The following SMAD5 variants were observed in gnomAD, a reference collection of about 807,000 sequenced individuals.
The protein encoded by SMAD5 is SMAD family member 5.
In SMAD5, 9 loss-of-function variants were observed where a neutral mutation model predicts 43.1. The observed-to-expected ratio is 0.21, with a 90% confidence interval of 0.13 to 0.36. The LOEUF is 0.36. Among genes scored for constraint, SMAD5 ranks in the 10% least tolerant of loss-of-function variants. The pLI, the probability that SMAD5 is intolerant of heterozygous loss-of-function variation, is 1.00. For synonymous variants in SMAD5, 190 were observed against 192.4 expected (o/e 0.99, Z 0.10); for missense variants, 348 against 574.0 (o/e 0.61, Z 4.02).
intron 5 of SMAD5, 46 bp from the exon 6 acceptor site, chr5:136,172,388 G>T: frequency 8.8e-7 from 1 of 1,140,930 alleles, no homozygotes; most frequent in Non-Finnish European, 1.3e-6. Context: ...GACAATCTGA[G>T]TTTCTGATAT....
chr5:136,172,727 G>T (rs767061572), intron 6 of SMAD5, 72 bp downstream of exon 6: 4 of 1,033,378 alleles, frequency 3.9e-6, no homozygotes, highest in Non-Finnish European at 6.1e-6. Context: ...CATGCATTGT[G>T]AAAGGTGCTA....
At chr5:136,135,597 C>T (rs141982519) in intron 1 of SMAD5, among the ~76,000 whole-genome samples, 28 of 152,234 alleles carry the variant, frequency 1.8e-4, no homozygotes, top group African/African-American at 6.0e-4. Flanking sequence ...CTAAAAAAAT[C>T]TATTTCATAT....
chr5:136,135,475 C>T (rs898366991), intron 1 of SMAD5, among the ~76,000 whole-genome samples: 2 of 152,152 alleles, frequency 1.3e-5, no homozygotes, highest in Non-Finnish European at 2.9e-5. Flanking sequence ...TCTCCCTCTA[C>T]TGAAAACAGA....
intron 1 of SMAD5, among the ~76,000 whole-genome samples, chr5:136,144,150 T>A (rs1442126597): frequency 6.6e-6 from 1 of 152,090 alleles, no homozygotes; most frequent in Non-Finnish European, 1.5e-5. Context: ...CTAACACGAA[T>A]TGTCCCGTGG....
chr5:136,181,748 A>G lies in SMAD5; in HGVS notation c.*4268A>G, dbSNP rs1234350340. The G allele has an allele frequency of 6.6e-6, 1 of 152,232 alleles. No homozygotes were observed. The highest frequency in any genetic ancestry group is 1.5e-5 in the Non-Finnish European group (1 of 68,022). 9.4% of individuals were successfully genotyped at this position (152,232 alleles called of 1,614,324 possible). On this transcript the variant is annotated 3_prime_UTR_variant, in exon 8 of 8. Coordinates refer to ENST00000545279, the MANE Select transcript of SMAD5 (RefSeq NM_005903.7). The stretch of plus-strand genomic sequence containing the variant: ...TATGTCCTGATTACAGAGTGACAAT[A>G]TTTATCAAGCCTTTGTTATATTGGA...
chr5:136,141,306 T>C (rs544419803), intron 1 of SMAD5, among the ~76,000 whole-genome samples: 2 of 152,302 alleles, frequency 1.3e-5, no homozygotes, highest in East Asian at 3.9e-4. Context: ...TTTCATTGTT[T>C]TGAGGAGCAA....
At chr5:136,177,276 T>C in intron 7 of SMAD5, 61 bp from the exon 8 acceptor site, 1 of 1,430,854 alleles carries the variant, frequency 7.0e-7, no homozygotes, top group South Asian at 1.2e-5. Context: ...ATGGTAAAAT[T>C]GGTTTAGAGT....
chr5:136,149,249 T>A (rs1753366952), intron 2 of SMAD5, among the ~76,000 whole-genome samples: 1 of 151,942 alleles, frequency 6.6e-6, no homozygotes, highest in Non-Finnish European at 1.5e-5. Flanking sequence ...ATATTTGGGT[T>A]CCAGTTTGGG....
intron 3 of SMAD5, among the ~76,000 whole-genome samples, chr5:136,154,643 C>A (rs1753572878): frequency 6.6e-6 from 1 of 152,108 alleles, no homozygotes; most frequent in South Asian, 2.1e-4. Context: ...ATTCACATAA[C>A]CCAACCCCAA....
chr5:136,175,094 T>C (rs1754368329), intron 7 of SMAD5, among the ~76,000 whole-genome samples: 1 of 152,102 alleles, frequency 6.6e-6, no homozygotes, highest in South Asian at 2.1e-4. Flanking sequence ...CAAGAGAGAA[T>C]GAGAGCCAAA....
intron 3 of SMAD5, among the ~76,000 whole-genome samples, chr5:136,154,709 A>G (rs1373274347): frequency 6.6e-6 from 1 of 151,732 alleles, no homozygotes; most frequent in East Asian, 1.9e-4. Flanking sequence ...TATTATCTTT[A>G]TGTTTCATTT....
intron 1 of SMAD5, among the ~76,000 whole-genome samples, chr5:136,135,951 G>A (rs781562618): frequency 3.3e-5 from 5 of 152,140 alleles, no homozygotes; most frequent in Non-Finnish European, 7.4e-5. Flanking sequence ...TGATTTGCCC[G>A]TCTTCTCATA....
intron 1 of SMAD5, chr5:136,133,590 TGTAA>T (rs1164674920): frequency 6.6e-6 from 1 of 152,354 alleles, no homozygotes; most frequent in African/African-American, 2.4e-5. Context: ...TTCTACTTCA[TGTAA>T]ACTTCTCTGT....
Position 136,142,972 on chromosome 5 carries a change from C to T in SMAD5, c.-244-4860C>T, listed in dbSNP as rs187872187. Reference sequence around the variant, plus strand: ...TTCCTGACATACACTAGTGGGCACCCGGTAAATTTTGAATAAATCAAATGT... The same window carrying T: ...TTCCTGACATACACTAGTGGGCACCTGGTAAATTTTGAATAAATCAAATGT... On this transcript the variant is annotated intron_variant, in intron 1 of 7. Coordinates refer to ENST00000545279, the MANE Select transcript of SMAD5 (RefSeq NM_005903.7). Among the ~76,000 whole-genome samples, 17 of 152,138 alleles carry T rather than the reference C, an allele frequency of 1.1e-4. No individual in the cohort carries two copies. The East Asian group carries it at 2.9e-3, about 26-fold the overall frequency.
chr5:136,158,805 A>C (rs1452545025), intron 3 of SMAD5, among the ~76,000 whole-genome samples: 1 of 152,130 alleles, frequency 6.6e-6, no homozygotes, highest in African/African-American at 2.4e-5. Flanking sequence ...AGGCTGAGGC[A>C]GGAGAATGGC....
chr5:136,157,862 A>G (rs888351682), intron 3 of SMAD5, among the ~76,000 whole-genome samples: 32 of 152,138 alleles, frequency 2.1e-4, no homozygotes, highest in Admixed American at 7.9e-4. Flanking sequence ...AGTATTGTCT[A>G]TTGATTAAGA....
chr5:136,146,505 A>G (rs145267650), intron 1 of SMAD5, among the ~76,000 whole-genome samples: 1 of 151,902 alleles, frequency 6.6e-6, no homozygotes, highest in African/African-American at 2.4e-5. Context: ...AAGAGACTCA[A>G]AATGTTCAGA....
At chr5:136,170,152 G>A (rs10064147) in intron 5 of SMAD5, among the ~76,000 whole-genome samples, 54,156 of 151,680 alleles carry the variant, frequency 0.36, 10,534 homozygotes, top group African/African-American at 0.53. Context: ...CCTAAAAAAA[G>A]GCATCATCAT....
intron 3 of SMAD5, among the ~76,000 whole-genome samples, chr5:136,159,977 T>C (rs1482183320): frequency 6.6e-6 from 1 of 152,214 alleles, no homozygotes; most frequent in Middle Eastern, 3.2e-3. Context: ...CAATTGTTAA[T>C]GAGATGAGTT....
Sources: gnomAD v4.1 joint callset for allele counts (sites outside exome capture counted in the v4.1 genomes callset) on GRCh38, gnomAD v4.1.1 for gene constraint, MANE v1.5 for transcripts, NCBI Gene and HGNC (gene_info 2026-07-23, HGNC 2026-07-21) for gene names.